Variants in CHST7 observed in about 807,000 individuals in gnomAD.
CHST7 encodes the protein carbohydrate sulfotransferase 7.
Under a neutral mutation model 9.0 loss-of-function variants are expected in CHST7, and 5 were observed. That is an observed-to-expected ratio of 0.56 (90% CI 0.29 to 1.17). CHST7 has a LOEUF of 1.17. CHST7 is among the 50% of genes most tolerant of loss of function. CHST7 has a pLI of 0.08. For synonymous variants in CHST7, 244 were observed against 237.1 expected, an observed-to-expected ratio of 1.03 and a Z score of -0.27; for missense variants, 377 against 485.1, an observed-to-expected ratio of 0.78 and a Z score of 2.09.
At chrX:46,593,928 C>T (rs1264084527) in intron 1 of CHST7, among the ~76,000 whole-genome samples, 1 of 112,000 alleles carries the variant, frequency 8.9e-6, no homozygotes, top group African/African-American at 3.2e-5. Context: ...CTTAAATAGT[C>T]TCTTAAAAAT....
chrX:46,588,674 A>T (rs1292079681), intron 1 of CHST7, among the ~76,000 whole-genome samples: 2 of 111,363 alleles, frequency 1.8e-5, no homozygotes, highest in Admixed American at 1.9e-4. Context: ...AAAGGAGATA[A>T]AATTACACCC....
At chrX:46,581,128 G>A (rs1236628244) in intron 1 of CHST7, among the ~76,000 whole-genome samples, 3 of 105,224 alleles carry the variant, frequency 2.9e-5, no homozygotes, top group South Asian at 4.2e-4. Flanking sequence ...CCAGCTACGC[G>A]GGAGGCTGAG....
At chrX:46,591,664 C>T (rs1942573599) in intron 1 of CHST7, among the ~76,000 whole-genome samples, 1 of 111,176 alleles carries the variant, frequency 9.0e-6, no homozygotes, top group Admixed American at 9.5e-5. Flanking sequence ...CGTGAGCCAC[C>T]GCGCCTGGCC....
In CHST7 at chrX:46,574,030, C is replaced by A; in HGVS notation, c.99C>A (p.Asp33Glu). The A allele has an allele frequency of 5.2e-6, 6 of 1,161,397 alleles. No homozygotes were observed. Among genetic ancestry groups the A allele is most frequent in the Non-Finnish European group, 6.9e-6 (6 of 875,376 alleles). ...LVLLLVPSVL[D>E]GGRDGDKGAE... ...TGTTGCTCGTCCCCTCCGTATTGGACGGCGGCCGCGACGGGGACAAGGGCG... is the reference window on the plus strand; with the variant it reads ...TGTTGCTCGTCCCCTCCGTATTGGAAGGCGGCCGCGACGGGGACAAGGGCG... The change falls in exon 1 of 2, where the codon GAC becomes GAA. Residue 33 changes from aspartate (D) to glutamate (E), a missense_variant. Transcript: ENST00000276055.
Position 46,574,931 on chromosome X carries a change from G to A in CHST7, c.1000G>A (p.Ala334Thr), listed in dbSNP as rs1472795571. Residue 334 changes from alanine to threonine, a missense_variant, in exon 1 of 2, where the codon GCG becomes ACG. Physicochemically the swap from Ala to Thr is moderately conservative, Grantham distance 58. Coordinates refer to ENST00000276055, the MANE Select transcript of CHST7 (RefSeq NM_019886.4). ...GGGCCAGTCTCGCGCGCTGCCCGCC[G>A]CGCCGCGCGCCGATTTCTTCCTGAC... ...PGGQSRALPA[A>T]PRADFFLTGA... 3 of 1,144,856 alleles carry A rather than the reference G, an allele frequency of 2.6e-6. No homozygotes were observed. The highest frequency in any genetic ancestry group is 2.0e-5 in the South Asian group (1 of 50,253). 94.3% of individuals were successfully genotyped at this position (1,144,856 alleles called of 1,213,427 possible).
rs1429834489 is a variant in CHST7, at chrX:46,574,602, C to T, written c.671C>T (p.Ala224Val). ...GAGGTGGGCCTCGTCGAGGACACCG[C>T]CTGCGAGCGCAGCTGCCCACCCGTG... ...RAEVGLVEDT[A>V]CERSCPPVAI... Residue 224 changes from alanine to valine, a missense_variant, in exon 1 of 2, where the codon GCC (alanine) becomes GTC (valine). Physicochemically the swap from Ala to Val is moderately conservative, Grantham distance 64. Transcript: ENST00000276055. 8 of 1,202,801 alleles carry T rather than the reference C, an allele frequency of 6.7e-6. No individual in the cohort carries two copies. The highest frequency in any genetic ancestry group is 9.0e-6 in the Non-Finnish European group (8 of 891,341).
At chrX:46,595,928 A>G (rs745933704) in intron 1 of CHST7, among the ~76,000 whole-genome samples, 4 of 111,031 alleles carry the variant, frequency 3.6e-5, no homozygotes, top group Admixed American at 1.9e-4. Flanking sequence ...ACCTGGGGTG[A>G]GGAGTTCGAT....
intron 1 of CHST7, 83 bp downstream of exon 1, chrX:46,575,506 G>A: frequency 4.9e-6 from 4 of 809,292 alleles, no homozygotes; most frequent in Non-Finnish European, 6.4e-6. Flanking sequence ...AGTGTAGGGG[G>A]GAGGGTACCA....
intron 1 of CHST7, among the ~76,000 whole-genome samples, chrX:46,577,090 C>T (rs1300202520): frequency 1.0e-5 from 1 of 99,731 alleles, no homozygotes; most frequent in Non-Finnish European, 2.0e-5. Flanking sequence ...CATTTTATGG[C>T]TTTAAGACAT....
intron 1 of CHST7, among the ~76,000 whole-genome samples, chrX:46,578,599 G>A (rs1156494437): frequency 9.1e-6 from 1 of 109,687 alleles, no homozygotes; most frequent in Non-Finnish European, 1.9e-5. Flanking sequence ...AAAGATTGGG[G>A]ATGGGCGGGG....
At position 46,575,214 on chromosome X, in the gene CHST7, G is replaced by A; in HGVS notation, c.1283G>A (p.Arg428Gln). Reference protein sequence around the residue: ...RPFHLSARDAREAVHAWRERL... With the variant: ...RPFHLSARDAQEAVHAWRERL... ...TTCCACCTGTCAGCGCGCGACGCCCGGGAGGCGGTGCACGCCTGGCGCGAG... is the reference window on the plus strand; with the variant it reads ...TTCCACCTGTCAGCGCGCGACGCCCAGGAGGCGGTGCACGCCTGGCGCGAG... The change falls in exon 1 of 2, where the codon CGG becomes CAG. Residue 428 changes from arginine to glutamine, a missense_variant. By Grantham distance (43) the Arg-to-Gln change is conservative (BLOSUM62 1). Coordinates refer to ENST00000276055, the MANE Select transcript of CHST7 (RefSeq NM_019886.4). The A allele has an allele frequency of 2.7e-6, 3 of 1,102,693 alleles. No individual in the cohort carries two copies. The highest frequency in any genetic ancestry group is 2.4e-6 in the Non-Finnish European group (2 of 850,385). 90.9% of individuals were successfully genotyped at this position (1,102,693 alleles called of 1,213,427 possible). A position where few individuals can be genotyped will look rare whatever the true frequency, so the allele number is the denominator to read the frequency against.
chrX:46,593,978 C>T (rs755808856), intron 1 of CHST7, among the ~76,000 whole-genome samples: 270 of 112,126 alleles, frequency 2.4e-3, no homozygotes, highest in Middle Eastern at 9.2e-3. Context: ...TACAATGTTA[C>T]TTTGCCTCAA....
intron 1 of CHST7, among the ~76,000 whole-genome samples, chrX:46,595,114 A>T (rs1167408753): frequency 8.9e-6 from 1 of 112,560 alleles, no homozygotes; most frequent in Non-Finnish European, 1.9e-5. Context: ...TTAAAAAATT[A>T]TTCGCTGAGA....
At chrX:46,577,052 G>A (rs1282036822) in intron 1 of CHST7, among the ~76,000 whole-genome samples, 1 of 109,581 alleles carries the variant, frequency 9.1e-6, no homozygotes, top group Non-Finnish European at 1.9e-5. Flanking sequence ...AGGCCTGAGG[G>A]AACTCCTCCC....
intron 1 of CHST7, among the ~76,000 whole-genome samples, chrX:46,581,378 A>G (rs1003798219): frequency 2.8e-5 from 3 of 107,167 alleles, no homozygotes; most frequent in African/African-American, 1.0e-4. Context: ...CAACATGGTG[A>G]AACCCTGTCT....
intron 1 of CHST7, among the ~76,000 whole-genome samples, chrX:46,579,159 G>A (rs1375407697): frequency 9.0e-6 from 1 of 111,720 alleles, no homozygotes; most frequent in Non-Finnish European, 1.9e-5. Context: ...GGCTGTTGAT[G>A]AGCACTGAAC....
intron 1 of CHST7, among the ~76,000 whole-genome samples, chrX:46,588,627 C>T (rs949769970): frequency 1.8e-5 from 2 of 110,962 alleles, no homozygotes; most frequent in African/African-American, 3.3e-5. Context: ...GCATTTAGGG[C>T]CTGGCTGGTC....
chrX:46,581,744 C>T (rs1333825564), intron 1 of CHST7, among the ~76,000 whole-genome samples: 10 of 109,132 alleles, frequency 9.2e-5, no homozygotes, highest in Non-Finnish European at 1.3e-4. Context: ...TACAGGCATG[C>T]GCCACCACAC....
Position 46,574,015 on chromosome X carries a change from C to T in CHST7, c.84C>T (p.Val28=), listed in dbSNP as rs993207253. The change falls in exon 1 of 2, where the codon GTC becomes GTT. Residue 28 remains valine (V), a synonymous_variant. Transcript: ENST00000276055. ...LVLYTLVLLL[V]PSVLDGGRDG... ...TGTACACGCTGGTGCTGTTGCTCGT[C>T]CCCTCCGTATTGGACGGCGGCCGCG... 5 of 1,159,615 alleles carry T rather than the reference C, an allele frequency of 4.3e-6. No individual in the cohort carries two copies. Among genetic ancestry groups the T allele is most frequent in the African/African-American group, 3.6e-5 (2 of 55,985 alleles).
Sources: gnomAD v4.1 joint callset for allele counts (sites outside exome capture counted in the v4.1 genomes callset) on GRCh38, gnomAD v4.1.1 for gene constraint, MANE v1.5 for transcripts, NCBI Gene and HGNC (gene_info 2026-07-23, HGNC 2026-07-21) for gene names.